Variants in CHD8 observed in about 807,000 individuals in gnomAD.
CHD8 encodes chromodomain helicase DNA binding protein 8.
CHD8 carries 31 observed loss-of-function variants against 279.2 expected under a neutral mutation model. The ratio of observed to expected loss-of-function variants is 0.11; its 90% CI spans 0.08 to 0.15. CHD8 has a LOEUF of 0.15. Ranked by LOEUF, CHD8 falls within the 10% of genes least tolerant of loss-of-function variation. The probability of loss-of-function intolerance (pLI) is 1.00; values close to 1 mark genes in which losing one functional copy is unlikely to be tolerated. For missense variants in CHD8, 2,146 were observed against 3,230.5 expected (o/e 0.66, Z 8.14); for synonymous variants, 1,081 against 1,139.6 (o/e 0.95, Z 1.04).
chr14:21,397,580 A>G, intron 27 of CHD8: 1 of 439,852 alleles, frequency 2.3e-6, no homozygotes. Context: ...AGTGTTGTAA[A>G]CCAAACCAAA....
At chr14:21,438,494 T>C (rs1889871407) in intron 1 of CHD8, among the ~76,000 whole-genome samples, 2 of 108,160 alleles carry the variant, frequency 1.8e-5, no homozygotes, top group Non-Finnish European at 3.6e-5. Context: ...GGGCATTACA[T>C]AGTAACACCT....
Position 21,385,496 on chromosome 14 carries a change from T to C in CHD8, c.*117A>G. ...TTTTTTTTTTTTTTTCCTTTTCACC[T>C]CCTGGAGTCCTGGACTTCCCCACAT... is the stretch of plus-strand genomic sequence containing the variant. On this transcript the variant is annotated 3_prime_UTR_variant, in exon 38 of 38. Coordinates refer to ENST00000646647, the MANE Select transcript of CHD8 (RefSeq NM_001170629.2). 2.3e-6 allele frequency: 3 copies of C among 1,323,622 alleles called. No homozygotes were observed. Among genetic ancestry groups the C allele is most frequent in the East Asian group, 2.6e-5 (1 of 38,350 alleles). 82.0% of individuals were successfully genotyped at this position (1,323,622 alleles called of 1,614,324 possible). A position where few individuals can be genotyped will look rare whatever the true frequency, so the allele number is the denominator to read the frequency against.
At chr14:21,435,648 G>A (rs1266009180) in intron 1 of CHD8, among the ~76,000 whole-genome samples, 2 of 152,146 alleles carry the variant, frequency 1.3e-5, no homozygotes, top group Non-Finnish European at 2.9e-5. Flanking sequence ...GGAGACTAAG[G>A]CCCTTAAGAA....
chr14:21,448,779 G>A (rs1839081184), intron 1 of CHD8, among the ~76,000 whole-genome samples: 1 of 150,992 alleles, frequency 6.6e-6, no homozygotes, highest in Non-Finnish European at 1.5e-5. Flanking sequence ...TGGTCAGGCT[G>A]GTCTCAAACT....
chr14:21,422,459 G>C (rs553027346), intron 5 of CHD8, among the ~76,000 whole-genome samples: 1 of 152,046 alleles, frequency 6.6e-6, no homozygotes, highest in Non-Finnish European at 1.5e-5. Context: ...TGTGTATTTT[G>C]TATTATTAAA....
At position 21,428,118 on chromosome 14, in the gene CHD8, C is replaced by T. The variant is rs1270422722; in HGVS notation, c.1352G>A (p.Arg451Lys). The change falls in exon 4 of 38, where the codon AGA (arginine) becomes AAA (lysine). Residue 451 changes from arginine to lysine, a missense_variant. By Grantham distance (26) the Arg-to-Lys change is conservative (BLOSUM62 2). Coordinates refer to ENST00000646647, the MANE Select transcript of CHD8 (RefSeq NM_001170629.2). The part of the protein sequence containing the change: ...GGKTGMEENR[R>K]LEHQKKQEKA... ...CTCTTGCTTCTTCTGGTGTTCCAAT[C>T]TGCGGTTTTCCTCCATTCCTGTCTT... is the stretch of plus-strand genomic sequence containing the variant. 6.2e-7 allele frequency: 1 copy of T among 1,613,920 alleles called. No individual in the cohort carries two copies. Among genetic ancestry groups the T allele is most frequent in the Non-Finnish European group, 8.5e-7 (1 of 1,179,910 alleles).
In CHD8 at chr14:21,419,387, C is replaced by T. The variant is rs1566437079; in HGVS notation, c.1717-3480G>A. ...CAGCCTGAGCAACATGGTGAAACCC[C>T]GTCTCTACTAAAAATATAAAAAATC... On this transcript the variant is annotated intron_variant, in intron 5 of 37. Transcript: ENST00000646647. Among the ~76,000 whole-genome samples, 4 of 152,146 alleles carry T rather than the reference C, an allele frequency of 2.6e-5. No homozygotes were observed. In the South Asian group the frequency reaches 6.2e-4, roughly 24 times the overall value.
In CHD8 at chr14:21,400,221, G is replaced by A. The variant is rs745335318; in HGVS notation, c.4657C>T (p.Arg1553Trp). Residue 1553 changes from arginine to tryptophan, a missense_variant, in exon 24 of 38, where the codon CGG (arginine) becomes TGG (tryptophan). Physicochemically the swap from Arg to Trp is moderately radical, Grantham distance 101. Transcript: ENST00000646647. This position sits in a 1 kb window ranked among gnomAD's most constrained non-coding sequence, Gnocchi z 4.2. ...TFDIHKADWI[R>W]KYNPDTLFQD... ...AACAAAGTGTCAGGGTTATATTTCC[G>A]GATCCAATCTGCCTTATGGATATCA... 9.9e-6 allele frequency: 16 copies of A among 1,613,768 alleles called. 1 individual carries two copies. Among genetic ancestry groups the A allele is most frequent in the Non-Finnish European group, 1.3e-5 (15 of 1,179,862 alleles).
intron 7 of CHD8, 122 bp from the exon 8 acceptor site, chr14:21,415,115 G>T: frequency 2.9e-6 from 2 of 690,438 alleles, no homozygotes; most frequent in Non-Finnish European, 4.9e-6. Flanking sequence ...ATAACTCAGA[G>T]ATTAAGGAAC....
chr14:21,415,975 G>T, intron 5 of CHD8, 68 bp from the exon 6 acceptor site: 1 of 1,338,656 alleles, frequency 7.5e-7, no homozygotes, highest in Non-Finnish European at 1.0e-6. Context: ...AAAATTATTT[G>T]CTCATGGTCA....
chr14:21,416,056 A>G (rs1181544033), intron 5 of CHD8, 149 bp from the exon 6 acceptor site: 2 of 682,804 alleles, frequency 2.9e-6, no homozygotes, highest in Middle Eastern at 3.5e-4. Flanking sequence ...TTATCTGTCA[A>G]ACAATGTGAT....
intron 1 of CHD8, among the ~76,000 whole-genome samples, chr14:21,437,623 C>G (rs560902482): frequency 6.6e-6 from 1 of 152,174 alleles, no homozygotes. Flanking sequence ...CTCTGAATCC[C>G]CGGCCTTCTA....
chr14:21,447,329 C>T (rs1213169100), intron 1 of CHD8, among the ~76,000 whole-genome samples: 1 of 151,654 alleles, frequency 6.6e-6, no homozygotes, highest in Non-Finnish European at 1.5e-5. Flanking sequence ...TCAGTGGTGA[C>T]CAATTCCAGC....
rs1378326313 is a variant in CHD8 at position 21,400,755 on chromosome 14, A to G, written c.4370+120T>C. On this transcript the variant is annotated intron_variant, in intron 22 of 37. Transcript: ENST00000646647. This position sits in a 1 kb window ranked among gnomAD's most constrained non-coding sequence, Gnocchi z 4.2. ...AACAGAACAAACTCCCTCCAAGGCA[A>G]ATATTTTTTCACATTATCCCTTCTT... The G allele has an allele frequency of 8.4e-6, 11 of 1,311,182 alleles. No homozygotes were observed. Among genetic ancestry groups the G allele is most frequent in the African/African-American group, 1.5e-5 (1 of 67,426 alleles). 81.2% of individuals were successfully genotyped at this position (1,311,182 alleles called of 1,614,324 possible).
At chr14:21,423,531 T>TG (rs1281963082) in intron 5 of CHD8, among the ~76,000 whole-genome samples, 2 of 151,808 alleles carry the variant, frequency 1.3e-5, no homozygotes, top group Non-Finnish European at 2.9e-5. Flanking sequence ...CTTTTTTTTT[T>TG]GGCGGGGGGA....
At chr14:21,448,790 C>T (rs1055523848) in intron 1 of CHD8, among the ~76,000 whole-genome samples, 8 of 151,242 alleles carry the variant, frequency 5.3e-5, no homozygotes, top group African/African-American at 1.9e-4. Context: ...GTCTCAAACT[C>T]CTGACCTCAT....
Position 21,428,143 on chromosome 14 carries a change from T to C in CHD8, c.1327A>G (p.Lys443Glu), listed in dbSNP as rs1169994721. Residue 443 changes from lysine (K) to glutamate (E), a missense_variant, in exon 4 of 38, where the codon AAG becomes GAG. By Grantham distance (56) the Lys-to-Glu change is moderately conservative (BLOSUM62 1). This residue lies in a region of CHD8 where 170 missense variants were observed against 189.9 expected (regional missense o/e 0.90). Coordinates refer to ENST00000646647, the MANE Select transcript of CHD8 (RefSeq NM_001170629.2). ...PASSAPHSGG[K>E]TGMEENRRLE... ...CTGCGGTTTTCCTCCATTCCTGTCTTTCCCCCCGAATGAGGAGCAGAGCTT... is the reference window on the plus strand; with the variant it reads ...CTGCGGTTTTCCTCCATTCCTGTCTCTCCCCCCGAATGAGGAGCAGAGCTT... 5 of 1,614,022 alleles carry C rather than the reference T, an allele frequency of 3.1e-6. 1 individual carries two copies. The Middle Eastern group carries it at 6.6e-4, about 213-fold the overall frequency.
intron 37 of CHD8, chr14:21,386,427 T>C (rs893493351): frequency 1.8e-6 from 1 of 543,204 alleles, no homozygotes; most frequent in Admixed American, 3.2e-5. Context: ...TAACCAGTTT[T>C]TGCTTCTTTT....
At chr14:21,429,843 A>G (rs899421864) in intron 2 of CHD8, 5 of 215,844 alleles carry the variant, frequency 2.3e-5, no homozygotes, top group African/African-American at 1.1e-4. Context: ...GATGAGGTCT[A>G]TGTTTCCCAG....
Sources: allele counts gnomAD v4.1 joint callset (sites outside exome capture counted in the v4.1 genomes callset), GRCh38; gene constraint gnomAD v4.1.1; regional missense constraint gnomAD v4.1.1; non-coding constraint Gnocchi (gnomAD v3.1); transcripts MANE v1.5; gene names NCBI Gene and HGNC (gene_info 2026-07-23, HGNC 2026-07-21).